Variants in HS3ST4 observed in about 807,000 individuals in gnomAD.
HS3ST4 encodes heparan sulfate glucosamine 3-O-sulfotransferase 4.
A neutral mutation model predicts 29.2 loss-of-function variants in HS3ST4; 17 were observed. The ratio of observed to expected loss-of-function variants is 0.58; its 90% CI spans 0.40 to 0.87. The LOEUF (loss-of-function observed/expected upper bound fraction) is 0.87, where lower values mean the gene tolerates loss of function less well. Ranked by LOEUF, HS3ST4 falls within the 40% of genes least tolerant of loss-of-function variation. The pLI, the probability that HS3ST4 is intolerant of heterozygous loss-of-function variation, is 0.00. For missense variants in HS3ST4, 627 were observed against 634.5 expected (o/e 0.99, Z 0.13); for synonymous variants, 314 against 285.7 (o/e 1.10, Z -1.00).
At chr16:25,767,085 A>T (rs1025566358) in intron 1 of HS3ST4, among the ~76,000 whole-genome samples, 6 of 152,238 alleles carry the variant, frequency 3.9e-5, no homozygotes, top group Non-Finnish European at 7.3e-5. Context: ...TTGCAAAGGG[A>T]AAAAATAGCT....
At chr16:25,923,936 T>C (rs1407048618) in intron 1 of HS3ST4, among the ~76,000 whole-genome samples, 1 of 152,218 alleles carries the variant, frequency 6.6e-6, no homozygotes, top group East Asian at 1.9e-4. Context: ...CATGCTTACC[T>C]GTGGCTTCAA....
intron 1 of HS3ST4, among the ~76,000 whole-genome samples, chr16:25,794,814 A>G (rs1171727400): frequency 6.6e-6 from 1 of 151,534 alleles, no homozygotes; most frequent in South Asian, 2.1e-4. Context: ...GTTATTATCT[A>G]TTCCGATATT....
chr16:25,777,723 G>A (rs950017127), intron 1 of HS3ST4, among the ~76,000 whole-genome samples: 2 of 152,202 alleles, frequency 1.3e-5, no homozygotes, highest in East Asian at 1.9e-4. Context: ...AGCTGAGATC[G>A]CGCCACTGCA....
intron 1 of HS3ST4, among the ~76,000 whole-genome samples, chr16:25,769,471 T>C (rs1032440072): frequency 6.6e-5 from 10 of 152,148 alleles, no homozygotes; most frequent in African/African-American, 2.4e-4. Context: ...TGGCTGTCCA[T>C]CTAGGCATTT....
chr16:25,707,511 G>A (rs7205610), intron 1 of HS3ST4, among the ~76,000 whole-genome samples: 150,604 of 152,282 alleles, frequency 0.99, 74,495 homozygotes, highest in Middle Eastern at 1. Context: ...CTCTGTAGAT[G>A]AGGGGGCACT....
chr16:26,125,091 A>G (rs925610840), intron 1 of HS3ST4, among the ~76,000 whole-genome samples: 9 of 152,198 alleles, frequency 5.9e-5, no homozygotes, highest in African/African-American at 2.2e-4. Context: ...ATAGTTCTCA[A>G]AGTTGAATCT....
intron 1 of HS3ST4, among the ~76,000 whole-genome samples, chr16:25,742,621 G>A (rs1966662239): frequency 6.6e-6 from 1 of 152,166 alleles, no homozygotes; most frequent in Non-Finnish European, 1.5e-5. Context: ...AGCAACAGAG[G>A]TCTCTGACTC....
At chr16:25,725,848 T>C (rs954808489) in intron 1 of HS3ST4, among the ~76,000 whole-genome samples, 3 of 151,980 alleles carry the variant, frequency 2.0e-5, no homozygotes, top group Non-Finnish European at 2.9e-5. Context: ...ACAATAGTTT[T>C]TAACTATGTT....
At chr16:26,063,474 T>G (rs750037918) in intron 1 of HS3ST4, among the ~76,000 whole-genome samples, 1 of 151,688 alleles carries the variant, frequency 6.6e-6, no homozygotes, top group Non-Finnish European at 1.5e-5. Context: ...AGCCAGGAGT[T>G]TGAGACCAGC....
At chr16:25,801,978 C>CTTTT (rs58964023) in intron 1 of HS3ST4, among the ~76,000 whole-genome samples, 2 of 137,248 alleles carry the variant, frequency 1.5e-5, no homozygotes, top group African/African-American at 5.4e-5. Flanking sequence ...CAAATATTTT[C>CTTTT]TTTTTTTTTT....
chr16:25,736,208 T>C (rs1567229819), intron 1 of HS3ST4, among the ~76,000 whole-genome samples: 1 of 152,228 alleles, frequency 6.6e-6, no homozygotes, highest in Non-Finnish European at 1.5e-5. Flanking sequence ...TTAATTGGAA[T>C]GGCATTCATA....
At chr16:26,119,612 T>C (rs1380080651) in intron 1 of HS3ST4, among the ~76,000 whole-genome samples, 2 of 152,126 alleles carry the variant, frequency 1.3e-5, no homozygotes, top group African/African-American at 2.4e-5. Context: ...AGGAAATCTA[T>C]TGGGTATAAT....
intron 1 of HS3ST4, among the ~76,000 whole-genome samples, chr16:25,902,476 A>T (rs906068379): frequency 2.0e-5 from 3 of 152,086 alleles, no homozygotes; most frequent in Non-Finnish European, 4.4e-5. Context: ...ACAGAGTGAG[A>T]TCCTATCTCA....
At chr16:25,784,885 T>G (rs531694695) in intron 1 of HS3ST4, among the ~76,000 whole-genome samples, 2 of 152,324 alleles carry the variant, frequency 1.3e-5, no homozygotes, top group Admixed American at 1.3e-4. Context: ...ATCTAGAACT[T>G]TCAGGGCTAG....
intron 1 of HS3ST4, among the ~76,000 whole-genome samples, chr16:25,796,669 G>A (rs995090139): frequency 2.0e-5 from 3 of 152,236 alleles, no homozygotes; most frequent in Non-Finnish European, 4.4e-5. Flanking sequence ...GTGGAAGAAA[G>A]CAGCTTTACT....
chr16:25,941,856 G>A (rs561901660), intron 1 of HS3ST4, among the ~76,000 whole-genome samples: 3 of 152,306 alleles, frequency 2.0e-5, no homozygotes, highest in African/African-American at 7.2e-5. Context: ...AATTACAGGT[G>A]TGAGCCACCA....
At chr16:25,904,159 G>A (rs201433469) in intron 1 of HS3ST4, among the ~76,000 whole-genome samples, 1 of 122,996 alleles carries the variant, frequency 8.1e-6, no homozygotes, top group Admixed American at 7.8e-5. Context: ...TGGATGAATG[G>A]ATGAATGGAT....
At chr16:26,002,463 C>T (rs955593037) in intron 1 of HS3ST4, among the ~76,000 whole-genome samples, 1 of 151,966 alleles carries the variant, frequency 6.6e-6, no homozygotes, top group East Asian at 1.9e-4. Context: ...AGGAAATAAA[C>T]CAGAAATAGT....
intron 1 of HS3ST4, among the ~76,000 whole-genome samples, chr16:26,122,520 G>A (rs537592691): frequency 6.6e-6 from 1 of 152,300 alleles, no homozygotes; most frequent in Non-Finnish European, 1.5e-5. Flanking sequence ...TTGAGGCGTG[G>A]GCCCGGTGGA....
Sources: allele counts gnomAD v4.1 joint callset (sites outside exome capture counted in the v4.1 genomes callset), GRCh38; gene constraint gnomAD v4.1.1; transcripts MANE v1.5; gene names NCBI Gene and HGNC (gene_info 2026-07-23, HGNC 2026-07-21).